IPO11: variants seen among roughly 807,000 people sequenced by gnomAD.
IPO11 encodes the protein importin 11.
A neutral mutation model predicts 143.2 loss-of-function variants in IPO11; 66 were observed. That is an observed-to-expected ratio of 0.46 (90% CI 0.38 to 0.57). IPO11 has a LOEUF of 0.57. Among genes scored for constraint, IPO11 ranks in the 20% least tolerant of loss-of-function variants. The pLI is 0.00. For missense variants in IPO11, 1,026 were observed against 1,141.0 expected, an observed-to-expected ratio of 0.90 and a Z score of 1.45; for synonymous variants, 385 against 377.8, an observed-to-expected ratio of 1.02 and a Z score of -0.22.
At chr5:62,597,611 C>G (rs1745271471) in intron 28 of IPO11, among the ~76,000 whole-genome samples, 1 of 152,084 alleles carries the variant, frequency 6.6e-6, no homozygotes, top group Admixed American at 6.5e-5. Context: ...AGATTACAAT[C>G]TCTACACTTC....
At chr5:62,608,387 A>T (rs911617552) in intron 29 of IPO11, among the ~76,000 whole-genome samples, 1 of 152,208 alleles carries the variant, frequency 6.6e-6, no homozygotes, top group African/African-American at 2.4e-5. Flanking sequence ...CATATTTTCT[A>T]AAAGCTTCAC....
rs187739675 is a variant in IPO11, at chr5:62,444,604, G to A, written c.239+1521G>A. ...ATAAATGCTTGTCTTGGCTGGGCAC[G>A]GTGGCTCACACCTGTAATCCCAGCA... On this transcript the variant is annotated intron_variant, in intron 3 of 29. Transcript: ENST00000325324. Among the ~76,000 whole-genome samples the A allele has an allele frequency of 5.9e-5, 9 of 151,852 alleles. 1 individual carries two copies. Among genetic ancestry groups the A allele is most frequent in the Admixed American group, 5.3e-4 (8 of 15,238 alleles).
At chr5:62,591,529 A>G (rs1745011226) in intron 27 of IPO11, 48 bp from the exon 28 acceptor site, 1 of 1,089,752 alleles carries the variant, frequency 9.2e-7, no homozygotes. Flanking sequence ...AACAAAAAGA[A>G]TTAATCTAGT....
Position 62,530,843 on chromosome 5 carries a change from A to G in IPO11, c.2089+58A>G, listed in dbSNP as rs901150044. The G allele has an allele frequency of 2.3e-6, 3 of 1,284,290 alleles. No homozygotes were observed. In the African/African-American group the frequency reaches 4.4e-5, roughly 19 times the overall value. The allele number at this position is 1,284,290 out of a possible 1,614,324, so 79.6% of individuals were successfully genotyped here. On this transcript the variant is annotated intron_variant, in intron 22 of 29. Transcript: ENST00000325324. ...TTGAATGCAACCATAATTGGGAGGC[A>G]TTGAAACATAATTTGGAGGCATTAC...
intron 20 of IPO11, among the ~76,000 whole-genome samples, chr5:62,518,089 G>A (rs1742085663): frequency 6.6e-6 from 1 of 150,770 alleles, no homozygotes; most frequent in Admixed American, 6.6e-5. Flanking sequence ...GATCAGTTGA[G>A]GTCAGGAGTT....
chr5:62,475,322 A>T (rs1358510616), intron 8 of IPO11, among the ~76,000 whole-genome samples: 1 of 152,022 alleles, frequency 6.6e-6, no homozygotes, highest in African/African-American at 2.4e-5. Flanking sequence ...GGAGTTGGAG[A>T]CCAGCCTGGG....
At chr5:62,454,313 C>G (rs936655722) in intron 5 of IPO11, among the ~76,000 whole-genome samples, 1 of 152,166 alleles carries the variant, frequency 6.6e-6, no homozygotes, top group Non-Finnish European at 1.5e-5. Context: ...GTGAAATTGT[C>G]TTTCCTTTTC....
chr5:62,521,352 A>G (rs768207128), intron 20 of IPO11, among the ~76,000 whole-genome samples: 7 of 152,330 alleles, frequency 4.6e-5, no homozygotes, highest in Non-Finnish European at 1.5e-5. Context: ...TGGCTGGTAT[A>G]AAAGTCTAGG....
chr5:62,532,259 T>C (rs1742573718), intron 22 of IPO11, among the ~76,000 whole-genome samples: 2 of 152,220 alleles, frequency 1.3e-5, no homozygotes, highest in Admixed American at 1.3e-4. Context: ...ACAAAGCATA[T>C]GACTTACTTT....
rs1307097031 is a variant in IPO11, at chr5:62,620,748, T to C, written c.2764-6406T>C. Among the ~76,000 whole-genome samples, 3 of 152,170 alleles carry C rather than the reference T, an allele frequency of 2.0e-5. No individual in the cohort carries two copies. The East Asian group carries it at 5.8e-4, about 29-fold the overall frequency. On this transcript the variant is annotated intron_variant, in intron 29 of 29. Transcript: ENST00000325324. ...GGCTTCAAAGAGAATAAATTATAAA[T>C]GTCTCTTATCAGACTTAAGGTCTGT... is the stretch of plus-strand genomic sequence containing the variant.
In IPO11 at chr5:62,555,841, C is replaced by T. The variant is rs758938174; in HGVS notation, c.2460+4505C>T. ...ATTTTTAAAAATTTTTGTAGACATA[C>T]AGCCTTGCATGTTGCCTAGGCTAGT... On this transcript the variant is annotated intron_variant, in intron 26 of 29. Coordinates refer to ENST00000325324, the MANE Select transcript of IPO11 (RefSeq NM_016338.5). 1.9e-4 allele frequency among the ~76,000 whole-genome samples: 29 copies of T among 152,262 alleles called. No individual in the cohort carries two copies. The South Asian group carries it at 2.1e-3, about 11-fold the overall frequency.
intron 19 of IPO11, among the ~76,000 whole-genome samples, chr5:62,508,304 T>A (rs978033712): frequency 6.7e-6 from 1 of 150,130 alleles, no homozygotes; most frequent in Non-Finnish European, 1.5e-5. Context: ...GCTAATTTTT[T>A]TTTTTTTTTT....
Position 62,490,243 on chromosome 5 carries a change from A to G in IPO11, c.1463+23A>G, listed in dbSNP as rs950655067. 8 of 1,405,940 alleles carry G rather than the reference A, an allele frequency of 5.7e-6. No individual in the cohort carries two copies. In the African/African-American group the frequency reaches 5.8e-5, roughly 10 times the overall value. The allele number at this position is 1,405,940 out of a possible 1,614,324, so 87.1% of individuals were successfully genotyped here. A position where few individuals can be genotyped will look rare whatever the true frequency, so the allele number is the denominator to read the frequency against. ...TAGGCAAGTATAAAATTTTATATTT[A>G]TTATACACTTACTTTACCTTATTTA... On this transcript the variant is annotated intron_variant, in intron 15 of 29. Coordinates refer to ENST00000325324, the MANE Select transcript of IPO11 (RefSeq NM_016338.5).
chr5:62,515,190 A>T (rs1162179159), intron 19 of IPO11, among the ~76,000 whole-genome samples, 198 bp from the exon 20 acceptor site: 2 of 152,206 alleles, frequency 1.3e-5, no homozygotes, highest in African/African-American at 4.8e-5. Flanking sequence ...AAAATTATTT[A>T]AAAATATTTA....
chr5:62,436,396 C>T (rs73105912), intron 1 of IPO11, among the ~76,000 whole-genome samples: 2,493 of 152,310 alleles, frequency 0.016, 63 homozygotes, highest in African/African-American at 0.058. Flanking sequence ...TACAGTACAA[C>T]GCTATTCCCT....
At chr5:62,443,394 T>A (rs1277350811) in intron 3 of IPO11, 3 of 144,958 alleles carry the variant, frequency 2.1e-5, no homozygotes, top group Admixed American at 7.6e-5. Context: ...TGTGTGTGTG[T>A]GTGTGTGTGT....
chr5:62,577,815 G>T (rs1306427264), intron 27 of IPO11, among the ~76,000 whole-genome samples: 1 of 151,964 alleles, frequency 6.6e-6, no homozygotes, highest in Non-Finnish European at 1.5e-5. Context: ...GATGTGAAAT[G>T]AAACTGCTTT....
At chr5:62,534,385 T>C (rs2112319690) in intron 22 of IPO11, among the ~76,000 whole-genome samples, 1 of 152,280 alleles carries the variant, frequency 6.6e-6, no homozygotes, top group African/African-American at 2.4e-5. Flanking sequence ...TTTCTCTAGA[T>C]TCTCTATAAC....
chr5:62,494,834 G>A (rs1212246448), intron 16 of IPO11, among the ~76,000 whole-genome samples: 1 of 151,820 alleles, frequency 6.6e-6, no homozygotes, highest in Non-Finnish European at 1.5e-5. Context: ...ATTTGTTTTA[G>A]GTAAAATTAA....
Sources: allele counts gnomAD v4.1 joint callset (sites outside exome capture counted in the v4.1 genomes callset), GRCh38; gene constraint gnomAD v4.1.1; transcripts MANE v1.5; gene names NCBI Gene and HGNC (gene_info 2026-07-23, HGNC 2026-07-21).